The following PRICKLE2 variants were observed in gnomAD, a reference collection of about 807,000 sequenced individuals.
PRICKLE2 encodes the protein prickle planar cell polarity protein 2.
A neutral mutation model predicts 81.4 loss-of-function variants in PRICKLE2; 21 were observed. That is an observed-to-expected ratio of 0.26 (90% CI 0.18 to 0.37). PRICKLE2 has a LOEUF of 0.37. PRICKLE2 is among the 10% of genes least tolerant of loss of function. PRICKLE2 has a pLI of 1.00. For missense variants in PRICKLE2, 940 were observed against 1,109.0 expected (o/e 0.85, Z 2.16); for synonymous variants, 456 against 421.5 (o/e 1.08, Z -1.00).
At chr3:64,140,078 A>G (rs1353958731) in intron 7 of PRICKLE2, among the ~76,000 whole-genome samples, 2 of 152,234 alleles carry the variant, frequency 1.3e-5, no homozygotes. Context: ...AATACCAACC[A>G]GTATTCAATG....
In PRICKLE2 at chr3:64,147,813, A is replaced by G. The variant is rs2077482589; in HGVS notation, c.788-111T>C. Reference sequence around the variant, plus strand: ...CTCAGGATTCCAGGTGCGGCAGGATAAACTGTCAATAAATCAACAATCAGA... The same window carrying G: ...CTCAGGATTCCAGGTGCGGCAGGATGAACTGTCAATAAATCAACAATCAGA... On this transcript the variant is annotated intron_variant, in intron 6 of 7. Coordinates refer to ENST00000638394, the MANE Select transcript of PRICKLE2 (RefSeq NM_198859.4). This position sits in a 1 kb window ranked among gnomAD's most constrained non-coding sequence, Gnocchi z 5.0. 1.2e-5 allele frequency: 14 copies of G among 1,138,600 alleles called. No homozygotes were observed. The highest frequency in any genetic ancestry group is 1.7e-5 in the Non-Finnish European group (13 of 760,338). 70.5% of individuals were successfully genotyped at this position (1,138,600 alleles called of 1,614,324 possible). A position where few individuals can be genotyped will look rare whatever the true frequency, so the allele number is the denominator to read the frequency against.
Position 64,098,751 on chromosome 3 carries a change from C to G in PRICKLE2, c.*300G>C, listed in dbSNP as rs1160687444. On this transcript the variant is annotated 3_prime_UTR_variant, in exon 8 of 8. Transcript: ENST00000638394. ...AGAGAGGATAAAAGCGAGCAGGAAA[C>G]AATTTACCATCTTGAGAGATGGCAA... is the stretch of plus-strand genomic sequence containing the variant. 1.7e-5 allele frequency: 7 copies of G among 408,556 alleles called. No individual in the cohort carries two copies. The highest frequency in any genetic ancestry group is 3.2e-5 in the Non-Finnish European group (7 of 221,296). The allele number at this position is 408,556 out of a possible 1,614,324, so 25.3% of individuals were successfully genotyped here.
Position 64,121,095 on chromosome 3 carries a change from A to T in PRICKLE2, c.1661-21170T>A, listed in dbSNP as rs538302772. The stretch of plus-strand genomic sequence containing the variant: ...GTTTGGCTGGGCTCCCCCTCTGCAC[A>T]GATGGAATAAGCAGCTGCTTACCTG... On this transcript the variant is annotated intron_variant, in intron 7 of 7. Coordinates refer to ENST00000638394, the MANE Select transcript of PRICKLE2 (RefSeq NM_198859.4). Among the ~76,000 whole-genome samples the T allele has an allele frequency of 2.2e-3, 334 of 152,310 alleles. 7 individuals carry two copies. The highest frequency in any genetic ancestry group is 0.022 in the Admixed American group (330 of 15,302).
At chr3:64,134,163 G>A (rs1480556458) in intron 7 of PRICKLE2, among the ~76,000 whole-genome samples, 2 of 152,222 alleles carry the variant, frequency 1.3e-5, no homozygotes, top group African/African-American at 4.8e-5. Flanking sequence ...GAAGCTGAGG[G>A]ATTGAGAGAT....
chr3:64,153,945 G>A (rs1037276569), intron 5 of PRICKLE2: 1 of 154,936 alleles, frequency 6.5e-6, no homozygotes, highest in Non-Finnish European at 1.4e-5. Flanking sequence ...CACCTGCCAG[G>A]CCCTCACAAG....
chr3:64,252,737 G>T (rs1386733387), intron 2 of PRICKLE2, among the ~76,000 whole-genome samples: 1 of 152,052 alleles, frequency 6.6e-6, no homozygotes, highest in African/African-American at 2.4e-5. Context: ...TCTGGATCTT[G>T]ATTTCCTCAG....
At chr3:64,196,575 T>C (rs962715999) in intron 2 of PRICKLE2, among the ~76,000 whole-genome samples, 1 of 152,194 alleles carries the variant, frequency 6.6e-6, no homozygotes. Flanking sequence ...AAACAGAAGA[T>C]ATAACCTCAA....
intron 3 of PRICKLE2, 116 bp from the exon 4 acceptor site, chr3:64,160,193 G>T (rs1575603582): frequency 8.9e-7 from 1 of 1,122,802 alleles, no homozygotes; most frequent in Non-Finnish European, 1.3e-6. Context: ...TATAGCCCTC[G>T]CCTGAACTTT....
rs1208566452 is a variant in PRICKLE2 at position 64,147,732 on chromosome 3, G to C, written c.788-30C>G. ...AAAAATGAGAGACATTGGAGAGGCT[G>C]ATGAGCTGCTCAGAGCTCTGCACTG... On this transcript the variant is annotated intron_variant, in intron 6 of 7. Coordinates refer to ENST00000638394, the MANE Select transcript of PRICKLE2 (RefSeq NM_198859.4). The surrounding 1 kb of genome is among the most constrained non-coding windows in gnomAD (Gnocchi z 5.0). The C allele has an allele frequency of 6.2e-7, 1 of 1,612,780 alleles. No individual in the cohort carries two copies. Among genetic ancestry groups the C allele is most frequent in the Admixed American group, 1.7e-5 (1 of 60,034 alleles).
At chr3:64,189,636 C>T (rs188330885) in intron 2 of PRICKLE2, among the ~76,000 whole-genome samples, 13 of 152,258 alleles carry the variant, frequency 8.5e-5, no homozygotes, top group African/African-American at 3.1e-4. Context: ...GATTTTGTAC[C>T]AAGGATTAAA....
At chr3:64,216,660 G>A (rs1019019723) in intron 1 of PRICKLE2, among the ~76,000 whole-genome samples, 10 of 152,162 alleles carry the variant, frequency 6.6e-5, no homozygotes, top group African/African-American at 2.4e-4. Context: ...AGCTGGTTAG[G>A]CAGCCAAACT....
chr3:64,259,803 T>C (rs563852543), intron 2 of PRICKLE2, among the ~76,000 whole-genome samples: 6 of 152,260 alleles, frequency 3.9e-5, no homozygotes, highest in Admixed American at 2.0e-4. Flanking sequence ...AAGGATGGAT[T>C]GTTGGCAGCC....
intron 1 of PRICKLE2, among the ~76,000 whole-genome samples, chr3:64,207,809 T>C (rs2078716175): frequency 6.6e-6 from 1 of 152,200 alleles, no homozygotes; most frequent in African/African-American, 2.4e-5. Flanking sequence ...GCGGCACGGA[T>C]AATTTAAAAC....
chr3:64,201,338 T>C (rs1367798672), intron 1 of PRICKLE2, among the ~76,000 whole-genome samples: 1 of 152,246 alleles, frequency 6.6e-6, no homozygotes, highest in Non-Finnish European at 1.5e-5. Context: ...ACAAAATATC[T>C]GTACCTTTGT....
chr3:64,227,396 T>A (rs1008898815), upstream of PRICKLE2, among the ~76,000 whole-genome samples: 1 of 152,178 alleles, frequency 6.6e-6, no homozygotes, highest in Non-Finnish European at 1.5e-5. Flanking sequence ...TCACTTCAAC[T>A]TTCCATGCCT....
chr3:64,182,972 A>C (rs2078160726), intron 2 of PRICKLE2, among the ~76,000 whole-genome samples: 1 of 152,188 alleles, frequency 6.6e-6, no homozygotes. Context: ...TGATTATATA[A>C]GTTATTATAA....
At chr3:64,201,787 T>C (rs1037797434) in intron 1 of PRICKLE2, among the ~76,000 whole-genome samples, 1 of 152,216 alleles carries the variant, frequency 6.6e-6, no homozygotes. Context: ...TTTGTTTTTT[T>C]AATCATTTCT....
intron 2 of PRICKLE2, among the ~76,000 whole-genome samples, chr3:64,235,596 G>A (rs557511516): frequency 2.0e-5 from 3 of 152,288 alleles, no homozygotes; most frequent in Non-Finnish European, 4.4e-5. Context: ...CAAGTTGAGC[G>A]AAGTCTGTTT....
At chr3:64,214,193 C>T (rs1646237037) in intron 1 of PRICKLE2, among the ~76,000 whole-genome samples, 1 of 152,120 alleles carries the variant, frequency 6.6e-6, no homozygotes, top group African/African-American at 2.4e-5. Context: ...TCACACCCTT[C>T]AAAACTTGAC....
Sources: gnomAD v4.1 joint callset for allele counts (sites outside exome capture counted in the v4.1 genomes callset) on GRCh38, gnomAD v4.1.1 for gene constraint, Gnocchi (gnomAD v3.1) non-coding constraint, MANE v1.5 for transcripts, NCBI Gene and HGNC (gene_info 2026-07-23, HGNC 2026-07-21) for gene names.